HEATR5A: variants seen among roughly 807,000 people sequenced by gnomAD.
The protein encoded by HEATR5A is HEAT repeat containing 5A, also known as HEAT repeat-containing protein 5A.
A neutral mutation model predicts 218.8 loss-of-function variants in HEATR5A; 178 were observed. The observed-to-expected ratio is 0.81, with a 90% CI of 0.72 to 0.92. HEATR5A has a LOEUF of 0.92. Among genes scored for constraint, HEATR5A ranks in the 40% least tolerant of loss-of-function variants. The pLI, the probability that HEATR5A is intolerant of heterozygous loss-of-function variation, is 0.00. For missense variants in HEATR5A, 2,420 were observed against 2,418.9 expected, an observed-to-expected ratio of 1.00 and a Z score of -0.01; for synonymous variants, 864 against 871.6, an observed-to-expected ratio of 0.99 and a Z score of 0.15.
At chr14:31,380,403 A>G in intron 11 of HEATR5A, 64 bp downstream of exon 11, 1 of 985,868 alleles carries the variant, frequency 1.0e-6, no homozygotes, top group Non-Finnish European at 1.6e-6. Flanking sequence ...ATCACATATA[A>G]GAATCATTTC....
chr14:31,418,972 G>A (rs1021558646), intron 1 of HEATR5A, among the ~76,000 whole-genome samples: 1 of 152,060 alleles, frequency 6.6e-6, no homozygotes, highest in East Asian at 1.9e-4. Context: ...TTAGTTTAAT[G>A]TAGTTAATTT....
chr14:31,404,269 T>C (rs1186372172), intron 1 of HEATR5A, among the ~76,000 whole-genome samples: 1 of 152,200 alleles, frequency 6.6e-6, no homozygotes, highest in East Asian at 1.9e-4. Context: ...TGGAATTTCA[T>C]AGGAATGTAG....
At chr14:31,300,477 G>A (rs1899334336) in intron 33 of HEATR5A, among the ~76,000 whole-genome samples, 1 of 151,898 alleles carries the variant, frequency 6.6e-6, no homozygotes, top group East Asian at 1.9e-4. Context: ...AGCCTCTAGT[G>A]GTGGATACAG....
chr14:31,302,437 C>G lies in HEATR5A; in HGVS notation c.5322G>C (p.Gln1774His), dbSNP rs1483370917. Residue 1774 changes from glutamine to histidine, a missense_variant, in exon 33 of 36, where the codon CAG (glutamine) becomes CAC (histidine). Coordinates refer to ENST00000543095, the MANE Select transcript of HEATR5A (RefSeq NM_015473.4). ...GGGAAGCTGCAACTGTCGAAGATAA[C>G]TGGCCCCCAGGTAACTTCACAGCAG... The part of the protein sequence containing the change: ...RETAVKLPGG[Q>H]LSSTVAASLQ... 1.9e-6 allele frequency: 3 copies of G among 1,598,418 alleles called. No homozygotes were observed. The highest frequency in any genetic ancestry group is 2.6e-6 in the Non-Finnish European group (3 of 1,171,840).
intron 4 of HEATR5A, among the ~76,000 whole-genome samples, chr14:31,396,343 G>GT (rs1479374624): frequency 2.6e-5 from 4 of 151,870 alleles, no homozygotes; most frequent in African/African-American, 4.8e-5. Flanking sequence ...CAAGCAGAGG[G>GT]TGCAGTGGGA....
At chr14:31,297,810 C>T (rs1566744739) in intron 33 of HEATR5A, 1 of 152,128 alleles carries the variant, frequency 6.6e-6, no homozygotes, top group Non-Finnish European at 1.5e-5. Context: ...ACAAGAAACA[C>T]AAATTCAGTC....
In HEATR5A at chr14:31,292,725, GGTGT is replaced by G. The variant is rs1899062399; in HGVS notation, c.*576_*579del. ...GGCCTCCTGAGTAGCTGGGATTACA[GGTGT>G]GTGCCACCACACCCGGCTAATTTTT... On this transcript the variant is annotated 3_prime_UTR_variant, in exon 36 of 36. Coordinates refer to ENST00000543095, the MANE Select transcript of HEATR5A (RefSeq NM_015473.4). The G allele has an allele frequency of 6.6e-6, 1 of 152,268 alleles. No homozygotes were observed. The highest frequency in any genetic ancestry group is 2.1e-4 in the South Asian group (1 of 4,822). The allele number at this position is 152,268 out of a possible 1,614,324, so 9.4% of individuals were successfully genotyped here. A position where few individuals can be genotyped will look rare whatever the true frequency, so the allele number is the denominator to read the frequency against.
At chr14:31,364,929 T>C (rs1901748409) in intron 13 of HEATR5A, among the ~76,000 whole-genome samples, 1 of 152,048 alleles carries the variant, frequency 6.6e-6, no homozygotes, top group Admixed American at 6.6e-5. Context: ...GTTGGAGTGG[T>C]AGTGGTATGA....
At chr14:31,398,937 G>C (rs2030762716) in intron 3 of HEATR5A, among the ~76,000 whole-genome samples, 156 bp from the exon 4 acceptor site, 1 of 152,046 alleles carries the variant, frequency 6.6e-6, no homozygotes, top group Admixed American at 6.6e-5. Context: ...ATATTTAATT[G>C]TGATGAAGTC....
intron 16 of HEATR5A, among the ~76,000 whole-genome samples, chr14:31,357,521 A>G (rs1901466609): frequency 6.6e-6 from 1 of 152,208 alleles, no homozygotes; most frequent in Admixed American, 6.5e-5. Context: ...AGAGAGATTC[A>G]CTTCCCATTT....
chr14:31,350,759 TTTTTG>T (rs745400368), intron 16 of HEATR5A, 42 bp from the exon 17 acceptor site: 2 of 919,604 alleles, frequency 2.2e-6, no homozygotes, highest in South Asian at 2.9e-5. Flanking sequence ...AGTAGGTAAG[TTTTTG>T]TTTGTTTGTT....
chr14:31,371,904 T>G lies in HEATR5A; in HGVS notation c.1867A>C (p.Lys623Gln). ...EGRAGALCAI[K>Q]SFVSHCGDLL... The stretch of plus-strand genomic sequence containing the variant: ...TCACCACAGTGGGAAACAAAGCTCT[T>G]GATAGCTGAAAAGGAAAACAGACTT... The change falls in exon 13 of 36, where the codon AAG (lysine) becomes CAG (glutamine). Residue 623 changes from lysine to glutamine, a missense_variant. Coordinates refer to ENST00000543095, the MANE Select transcript of HEATR5A (RefSeq NM_015473.4). 1 of 1,510,336 alleles carries G rather than the reference T, an allele frequency of 6.6e-7. No individual in the cohort carries two copies. Among genetic ancestry groups the G allele is most frequent in the Non-Finnish European group, 8.9e-7 (1 of 1,119,422 alleles). 93.6% of individuals were successfully genotyped at this position (1,510,336 alleles called of 1,614,324 possible). A position where few individuals can be genotyped will look rare whatever the true frequency, so the allele number is the denominator to read the frequency against.
chr14:31,363,286 T>C (rs1901690258), intron 14 of HEATR5A, among the ~76,000 whole-genome samples: 1 of 151,692 alleles, frequency 6.6e-6, no homozygotes, highest in Non-Finnish European at 1.5e-5. Flanking sequence ...AATTTCAAGA[T>C]ACTATTGTAA....
intron 13 of HEATR5A, among the ~76,000 whole-genome samples, chr14:31,367,611 G>T (rs1263218576): frequency 7.2e-6 from 1 of 139,000 alleles, no homozygotes; most frequent in African/African-American, 2.8e-5. Context: ...TACAGACGGG[G>T]TCTCACCATG....
chr14:31,386,718 C>T, intron 8 of HEATR5A, 143 bp from the exon 9 acceptor site: 2 of 665,200 alleles, frequency 3.0e-6, no homozygotes, highest in South Asian at 4.9e-5. Context: ...AACTAAAATG[C>T]TTAAATGGGG....
intron 24 of HEATR5A, 35 bp downstream of exon 24, chr14:31,323,530 A>G: frequency 2.0e-6 from 3 of 1,519,306 alleles, no homozygotes; most frequent in Non-Finnish European, 1.8e-6. Context: ...ATTTTTACAC[A>G]TATCATTTGG....
chr14:31,311,018 A>AAACCAACC (rs57787677), intron 28 of HEATR5A, among the ~76,000 whole-genome samples: 7 of 148,692 alleles, frequency 4.7e-5, no homozygotes, highest in African/African-American at 1.7e-4. Context: ...CTGTCTCTAA[A>AAACCAACC]AACCAACCAA....
At chr14:31,390,240 T>A (rs908781137) in intron 6 of HEATR5A, among the ~76,000 whole-genome samples, 1 of 152,048 alleles carries the variant, frequency 6.6e-6, no homozygotes. Context: ...GCAGAAGATA[T>A]AGGACCTTGT....
At chr14:31,356,469 A>G (rs1258266444) in intron 16 of HEATR5A, among the ~76,000 whole-genome samples, 1 of 152,180 alleles carries the variant, frequency 6.6e-6, no homozygotes, top group Non-Finnish European at 1.5e-5. Flanking sequence ...TGTTGGGCTC[A>G]AGCAATTTGC....
Sources: gnomAD v4.1 joint callset for allele counts (sites outside exome capture counted in the v4.1 genomes callset) on GRCh38, gnomAD v4.1.1 for gene constraint, MANE v1.5 for transcripts, NCBI Gene and HGNC (gene_info 2026-07-23, HGNC 2026-07-21) for gene names.